The following LGI2 variants were observed in gnomAD, a reference collection of about 807,000 sequenced individuals.
The protein encoded by LGI2 is leucine rich repeat LGI family member 2.
In LGI2, 30 loss-of-function variants were observed where a neutral mutation model predicts 52.0. That is an observed-to-expected ratio of 0.58 (90% CI 0.43 to 0.78). The LOEUF (loss-of-function observed/expected upper bound fraction) is 0.78. Among genes scored for constraint, LGI2 ranks in the 30% least tolerant of loss-of-function variants. LGI2 has a pLI of 0.00. For synonymous variants in LGI2, 270 were observed against 271.8 expected, an observed-to-expected ratio of 0.99 and a Z score of 0.06; for missense variants, 573 against 692.5, an observed-to-expected ratio of 0.83 and a Z score of 1.94.
intron 7 of LGI2, among the ~76,000 whole-genome samples, chr4:25,006,011 C>T (rs1725383231): frequency 6.6e-6 from 1 of 152,216 alleles, no homozygotes; most frequent in Admixed American, 6.5e-5. Flanking sequence ...AGCACTGGCA[C>T]CTAGCGGGTG....
intron 3 of LGI2, among the ~76,000 whole-genome samples, chr4:25,025,625 T>C (rs1726121671): frequency 6.6e-6 from 1 of 152,196 alleles, no homozygotes; most frequent in Non-Finnish European, 1.5e-5. Context: ...ACTACGACTA[T>C]TCTCTAGGCT....
In LGI2 at chr4:25,001,786, A is replaced by G. The variant is rs1046583687; in HGVS notation, c.*1665T>C. 2.7e-5 allele frequency: 4 copies of G among 150,128 alleles called. No homozygotes were observed. The highest frequency in any genetic ancestry group is 9.8e-5 in the African/African-American group (4 of 40,774). 9.3% of individuals were successfully genotyped at this position (150,128 alleles called of 1,614,324 possible). On this transcript the variant is annotated 3_prime_UTR_variant, in exon 8 of 8. Transcript: ENST00000382114. ...ATCAATGCTTCATTCTCTGAGTGCTATTTATTGTCTCAATCTTCATTGCTT... is the reference window on the plus strand; with the variant it reads ...ATCAATGCTTCATTCTCTGAGTGCTGTTTATTGTCTCAATCTTCATTGCTT...
intron 3 of LGI2, 43 bp downstream of exon 3, chr4:25,026,824 CA>C (rs1560295537): frequency 6.9e-7 from 1 of 1,458,386 alleles, no homozygotes; most frequent in East Asian, 2.3e-5. Flanking sequence ...GAAATTCTAC[CA>C]AGATACCGAA....
intron 7 of LGI2, among the ~76,000 whole-genome samples, chr4:25,005,794 T>G (rs1419699254): frequency 1.3e-5 from 2 of 152,104 alleles, no homozygotes; most frequent in Non-Finnish European, 2.9e-5. Context: ...AAGAGTAGGA[T>G]TAAACCTTAT....
intron 7 of LGI2, among the ~76,000 whole-genome samples, chr4:25,008,999 T>C (rs935414690): frequency 6.6e-6 from 1 of 152,228 alleles, no homozygotes; most frequent in Non-Finnish European, 1.5e-5. Context: ...ATTCTTGCCA[T>C]AGCCTCTTAG....
chr4:25,026,915 C>G lies in LGI2; in HGVS notation c.294G>C (p.Thr98=). The change falls in exon 3 of 8, where the codon ACG becomes ACC. Residue 98 remains threonine, a synonymous_variant. Coordinates refer to ENST00000382114, the MANE Select transcript of LGI2 (RefSeq NM_018176.4). ...QLLLLNSNSF[T]IIRDDAFAGL... ...CAGCAAAAGCATCATCCCGGATGAT[C>G]GTGAATGAGTTAGAATTCAGCAATC... is the stretch of plus-strand genomic sequence containing the variant. 1 of 1,613,506 alleles carries G rather than the reference C, an allele frequency of 6.2e-7. No individual in the cohort carries two copies. The highest frequency in any genetic ancestry group is 8.5e-7 in the Non-Finnish European group (1 of 1,179,444).
rs571419178 is a variant in LGI2 at position 25,003,082 on chromosome 4, G to C, written c.*369C>G. The C allele has an allele frequency of 8.9e-4, 143 of 161,262 alleles. No individual in the cohort carries two copies. Among genetic ancestry groups the C allele is most frequent in the African/African-American group, 3.2e-3 (132 of 40,982 alleles). The allele number at this position is 161,262 out of a possible 1,614,324, so 10.0% of individuals were successfully genotyped here. ...AAGATTGCTAAAGTGGAATGAGAGG[G>C]GCTCAAAGTTTTTTTTTATTTCATT... On this transcript the variant is annotated 3_prime_UTR_variant, in exon 8 of 8. Coordinates refer to ENST00000382114, the MANE Select transcript of LGI2 (RefSeq NM_018176.4).
chr4:25,006,536 C>G (rs1725397567), intron 7 of LGI2, among the ~76,000 whole-genome samples: 1 of 152,158 alleles, frequency 6.6e-6, no homozygotes, highest in African/African-American at 2.4e-5. Flanking sequence ...CTGCAAGGAC[C>G]TAATCCCTTT....
intron 7 of LGI2, among the ~76,000 whole-genome samples, chr4:25,007,047 T>C (rs1207594236): frequency 6.6e-6 from 1 of 152,238 alleles, no homozygotes; most frequent in Admixed American, 6.5e-5. Context: ...AGATATTTTA[T>C]AATCTACTTT....
chr4:25,029,953 C>T (rs1004905535), intron 1 of LGI2, among the ~76,000 whole-genome samples: 10 of 152,146 alleles, frequency 6.6e-5, no homozygotes, highest in Admixed American at 6.5e-4. Flanking sequence ...GTGGAGAAGT[C>T]GGGAGGAGGC....
At position 25,009,780 on chromosome 4, in the gene LGI2, T is replaced by G. The variant is rs1417227248; in HGVS notation, c.820+2555A>C. Among the ~76,000 whole-genome samples, 4 of 151,706 alleles carry G rather than the reference T, an allele frequency of 2.6e-5. No individual in the cohort carries two copies. The East Asian group carries it at 5.9e-4, about 23-fold the overall frequency. ...CCTCCTGAGTAGCTGGGACTACAGG[T>G]GCATGCCACCACGCCCAGCTAATTT... On this transcript the variant is annotated intron_variant, in intron 7 of 7. Transcript: ENST00000382114.
rs1725341397 is a variant in LGI2 at position 25,004,457 on chromosome 4, AC to A, written c.821-190del. On this transcript the variant is annotated intron_variant, in intron 7 of 7. Coordinates refer to ENST00000382114, the MANE Select transcript of LGI2 (RefSeq NM_018176.4). This position sits in a 1 kb window ranked among gnomAD's most constrained non-coding sequence, Gnocchi z 4.6. ...CCAGCAATTCCACTTCTTTGTATAT[AC>A]CCAAAATAATTGAAAGCAGTGACTC... is the stretch of plus-strand genomic sequence containing the variant. 6.6e-6 allele frequency among the ~76,000 whole-genome samples: 1 copy of A among 152,184 alleles called. No individual in the cohort carries two copies. Among genetic ancestry groups the A allele is most frequent in the Non-Finnish European group, 1.5e-5 (1 of 68,028 alleles).
At chr4:25,021,884 T>C (rs1449503200) in intron 4 of LGI2, among the ~76,000 whole-genome samples, 3 of 148,476 alleles carry the variant, frequency 2.0e-5, no homozygotes, top group Non-Finnish European at 3.0e-5. Flanking sequence ...TGAGCCAAGA[T>C]TGCACCACTG....
At chr4:25,005,557 T>TA (rs1725369713) in intron 7 of LGI2, among the ~76,000 whole-genome samples, 1 of 147,866 alleles carries the variant, frequency 6.8e-6, no homozygotes, top group African/African-American at 2.5e-5. Context: ...TTTGTCAGTT[T>TA]AAAAAATGTG....
chr4:25,008,487 A>G (rs886394553), intron 7 of LGI2, among the ~76,000 whole-genome samples: 9 of 137,250 alleles, frequency 6.6e-5, no homozygotes, highest in African/African-American at 2.2e-4. Flanking sequence ...TGGGAGGTGG[A>G]GGTTGCAGTG....
Position 25,018,006 on chromosome 4 carries a change from T to C in LGI2, c.638A>G (p.Tyr213Cys), listed in dbSNP as rs763781284. 22 of 1,610,842 alleles carry C rather than the reference T, an allele frequency of 1.4e-5. No individual in the cohort carries two copies. The highest frequency in any genetic ancestry group is 1.7e-6 in the Non-Finnish European group (2 of 1,179,160). Residue 213 changes from tyrosine to cysteine, a missense_variant, in exon 6 of 8, where the codon TAT (tyrosine) becomes TGT (cysteine). Tyr to Cys is a radical substitution (Grantham distance 194, BLOSUM62 -2). Coordinates refer to ENST00000382114, the MANE Select transcript of LGI2 (RefSeq NM_018176.4). The stretch of plus-strand genomic sequence containing the variant: ...CTGAATACCTGTAGTTGTGCATTCA[T>C]AGTCAAAGCTGGTCACGTCATTTAG... Reference protein sequence around the residue: ...KKLNDVTSFDYECTTTDFVVH... With the variant: ...KKLNDVTSFDCECTTTDFVVH...
At chr4:25,025,773 C>A (rs1242136703) in intron 3 of LGI2, among the ~76,000 whole-genome samples, 1 of 152,176 alleles carries the variant, frequency 6.6e-6, no homozygotes, top group Non-Finnish European at 1.5e-5. Flanking sequence ...TGAGAACTCA[C>A]TGATGGTTTT....
chr4:25,020,661 A>G (rs10006305), intron 4 of LGI2, among the ~76,000 whole-genome samples: 3,684 of 152,310 alleles, frequency 0.024, 138 homozygotes, highest in African/African-American at 0.079. Context: ...GATGAATTAA[A>G]GAAATGACTC....
intron 4 of LGI2, among the ~76,000 whole-genome samples, chr4:25,021,760 T>C (rs1355089183): frequency 6.6e-6 from 1 of 151,702 alleles, no homozygotes; most frequent in Non-Finnish European, 1.5e-5. Context: ...TGAAACGCTG[T>C]CTCTACTAAA....
Sources: gnomAD v4.1 joint callset for allele counts (sites outside exome capture counted in the v4.1 genomes callset) on GRCh38, gnomAD v4.1.1 for gene constraint, Gnocchi (gnomAD v3.1) non-coding constraint, MANE v1.5 for transcripts, NCBI Gene and HGNC (gene_info 2026-07-23, HGNC 2026-07-21) for gene names.